Variants in DZIP3 observed in about 807,000 individuals in gnomAD.
DZIP3 encodes the protein DAZ interacting zinc finger protein 3, also known as E3 ubiquitin-protein ligase DZIP3.
A neutral mutation model predicts 162.0 loss-of-function variants in DZIP3; 118 were observed. The ratio of observed to expected loss-of-function variants is 0.73; its 90% CI spans 0.63 to 0.85. DZIP3 has a LOEUF of 0.85. Among genes scored for constraint, DZIP3 ranks in the 40% least tolerant of loss-of-function variants. The pLI, the probability that DZIP3 is intolerant of heterozygous loss-of-function variation, is 0.00. For missense variants in DZIP3, 1,331 were observed against 1,407.0 expected (o/e 0.95, Z 0.86); for synonymous variants, 438 against 458.6 (o/e 0.96, Z 0.57).
intron 13 of DZIP3, among the ~76,000 whole-genome samples, chr3:108,642,800 CA>C (rs922784765): frequency 6.6e-6 from 1 of 152,160 alleles, no homozygotes; most frequent in Non-Finnish European, 1.5e-5. Flanking sequence ...GGTTTTCTAC[CA>C]ACTGTTCCTT....
chr3:108,656,413 A>G (rs1014155484), intron 19 of DZIP3, among the ~76,000 whole-genome samples: 8 of 152,198 alleles, frequency 5.3e-5, no homozygotes, highest in South Asian at 2.1e-4. Context: ...GCAAACTCCA[A>G]CAGACCTGCA....
intron 3 of DZIP3, 42 bp from the exon 4 acceptor site, chr3:108,611,132 A>G: frequency 6.6e-7 from 1 of 1,519,456 alleles, no homozygotes; most frequent in Non-Finnish European, 8.8e-7. Context: ...GTGAATGAGA[A>G]TATGCAAACT....
chr3:108,621,295 A>T (rs976175712), intron 5 of DZIP3, among the ~76,000 whole-genome samples: 6 of 152,150 alleles, frequency 3.9e-5, no homozygotes, highest in African/African-American at 1.4e-4. Flanking sequence ...TTTTTAAAAA[A>T]TTTTATTTTT....
chr3:108,606,329 C>T (rs898356403), intron 2 of DZIP3, among the ~76,000 whole-genome samples: 2 of 152,144 alleles, frequency 1.3e-5, no homozygotes, highest in African/African-American at 4.8e-5. Flanking sequence ...GATCTCCCTC[C>T]AGGCTTGAAC....
chr3:108,658,584 G>C (rs1450841238), intron 19 of DZIP3, among the ~76,000 whole-genome samples: 1 of 152,132 alleles, frequency 6.6e-6, no homozygotes, highest in African/African-American at 2.4e-5. Context: ...AAAAGAACTA[G>C]AGAAGCAAGA....
chr3:108,668,863 C>T (rs1487619876), intron 21 of DZIP3, among the ~76,000 whole-genome samples: 1 of 151,908 alleles, frequency 6.6e-6, no homozygotes. Context: ...AAAACTCTTC[C>T]ATTTATCCCA....
intron 8 of DZIP3, among the ~76,000 whole-genome samples, chr3:108,631,055 A>ACACACACACACACACACT: frequency 1.0e-3 from 18 of 18,010 alleles, no homozygotes; most frequent in Admixed American, 3.4e-3. Flanking sequence ...ACACACACAC[A>ACACACACACACACACACT]CTCTCTCTCT....
rs7612902 is a variant in DZIP3, at chr3:108,694,441, C to T, written c.*1088C>T. ...CAATTTACAAAAGAAAGAGGTTTAA[C>T]GGACTTACAGTTCCACATGACTAAG... On this transcript the variant is annotated 3_prime_UTR_variant, in exon 33 of 33. Coordinates refer to ENST00000361582, the MANE Select transcript of DZIP3 (RefSeq NM_014648.4). The T allele has an allele frequency of 0.98, 157,433 of 159,934 alleles. 77,544 individuals are homozygous for T. Among genetic ancestry groups the T allele is most frequent in the Middle Eastern group, 1 (332 of 332 alleles). 9.9% of individuals were successfully genotyped at this position (159,934 alleles called of 1,614,324 possible). A position where few individuals can be genotyped will look rare whatever the true frequency, so the allele number is the denominator to read the frequency against.
chr3:108,611,416 A>G (rs1454312697), intron 4 of DZIP3, 87 bp downstream of exon 4: 2 of 1,491,314 alleles, frequency 1.3e-6, no homozygotes, highest in African/African-American at 1.4e-5. Flanking sequence ...ACCACACAGT[A>G]TAGCCAAGGT....
chr3:108,625,821 A>C, intron 6 of DZIP3, 24 bp from the exon 7 acceptor site: 1 of 1,558,148 alleles, frequency 6.4e-7, no homozygotes, highest in Non-Finnish European at 8.6e-7. Flanking sequence ...TACAGTAGCC[A>C]AACCTAGTTT....
chr3:108,599,280 A>G (rs1576339664), intron 1 of DZIP3, among the ~76,000 whole-genome samples: 1 of 152,218 alleles, frequency 6.6e-6, no homozygotes, highest in Non-Finnish European at 1.5e-5. Flanking sequence ...TTTTTCCACC[A>G]TCATCCATAA....
intron 4 of DZIP3, among the ~76,000 whole-genome samples, chr3:108,615,034 G>C (rs1459182916): frequency 1.3e-5 from 2 of 152,034 alleles, no homozygotes; most frequent in Non-Finnish European, 1.5e-5. Flanking sequence ...TGTTTACCAG[G>C]GCTGCTCCTC....
At chr3:108,688,389 T>G (rs1007648357) in intron 29 of DZIP3, among the ~76,000 whole-genome samples, 29 of 152,204 alleles carry the variant, frequency 1.9e-4, no homozygotes, top group African/African-American at 7.0e-4. Context: ...AGATTTATTT[T>G]AATTAAAAGA....
chr3:108,654,428 AAG>A (rs767657949), intron 19 of DZIP3, 118 bp downstream of exon 19: 4 of 1,140,508 alleles, frequency 3.5e-6, no homozygotes, highest in Non-Finnish European at 5.2e-6. Flanking sequence ...TGTGAGGAGA[AAG>A]AGAAAAGCAT....
chr3:108,616,537 A>G lies in DZIP3; in HGVS notation c.259-4A>G, dbSNP rs376232657. On this transcript the variant is annotated splice_polypyrimidine_tract_variant and splice_region_variant and intron_variant, in intron 4 of 32. Transcript: ENST00000361582. ...GACATTTTTAACTGAATAATTTTCCACAGAGAGAAGTTGCAGCTAACAGCC... is the reference window on the plus strand; with the variant it reads ...GACATTTTTAACTGAATAATTTTCCGCAGAGAGAAGTTGCAGCTAACAGCC... The G allele has an allele frequency of 1.9e-6, 3 of 1,597,840 alleles. No homozygotes were observed. The African/African-American group carries it at 4.0e-5, about 22-fold the overall frequency.
intron 1 of DZIP3, among the ~76,000 whole-genome samples, chr3:108,594,874 C>T (rs1939627967): frequency 6.6e-6 from 1 of 152,004 alleles, no homozygotes; most frequent in African/African-American, 2.4e-5. Context: ...TTTTTCTTCA[C>T]AGCAGAAAGT....
chr3:108,611,584 G>T (rs1286319737), intron 4 of DZIP3, among the ~76,000 whole-genome samples: 1 of 152,140 alleles, frequency 6.6e-6, no homozygotes, highest in East Asian at 1.9e-4. Flanking sequence ...TTGACTACAA[G>T]GTCTAGTGTT....
intron 12 of DZIP3, 76 bp from the exon 13 acceptor site, chr3:108,642,362 A>T: frequency 7.2e-7 from 1 of 1,382,542 alleles, no homozygotes; most frequent in Non-Finnish European, 9.7e-7. Flanking sequence ...TCACTTAGCC[A>T]TGCTCATACT....
chr3:108,644,932 G>A (rs1942559010), intron 14 of DZIP3, 151 bp downstream of exon 14: 1 of 751,896 alleles, frequency 1.3e-6, no homozygotes, highest in African/African-American at 1.8e-5. Context: ...TATAGTGCTA[G>A]AGATGTTTCC....
Sources: allele counts gnomAD v4.1 joint callset (sites outside exome capture counted in the v4.1 genomes callset), GRCh38; gene constraint gnomAD v4.1.1; transcripts MANE v1.5; gene names NCBI Gene and HGNC (gene_info 2026-07-23, HGNC 2026-07-21).